KCNH5: variants seen among roughly 807,000 people sequenced by gnomAD.
The protein encoded by KCNH5 is voltage-gated delayed rectifier potassium channel KCNH5.
A neutral mutation model predicts 96.1 loss-of-function variants in KCNH5; 46 were observed. The observed-to-expected ratio is 0.48, with a 90% CI of 0.38 to 0.61. KCNH5 has a LOEUF of 0.61. Among genes scored for constraint, KCNH5 ranks in the 20% least tolerant of loss-of-function variants. The probability of loss-of-function intolerance (pLI) is 0.00; values close to 1 mark genes in which losing one functional copy is unlikely to be tolerated. For missense variants in KCNH5, 907 were observed against 1,225.8 expected, an observed-to-expected ratio of 0.74 and a Z score of 3.88; for synonymous variants, 439 against 449.8, an observed-to-expected ratio of 0.98 and a Z score of 0.30.
chr14:62,913,177 CCAG>C (rs1452400726), intron 7 of KCNH5, among the ~76,000 whole-genome samples: 11 of 152,126 alleles, frequency 7.2e-5, no homozygotes, highest in Middle Eastern at 3.4e-3. Context: ...ATAAAATTAG[CCAG>C]GAATAATCAA....
intron 7 of KCNH5, among the ~76,000 whole-genome samples, chr14:62,871,762 A>C (rs924442466): frequency 6.6e-6 from 1 of 152,234 alleles, no homozygotes; most frequent in African/African-American, 2.4e-5. Context: ...TTCCATGTGC[A>C]TCAGTGTGTA....
intron 7 of KCNH5, among the ~76,000 whole-genome samples, chr14:62,932,491 A>C (rs1889599706): frequency 6.6e-6 from 1 of 150,906 alleles, no homozygotes; most frequent in Non-Finnish European, 1.5e-5. Flanking sequence ...AAAAAAAAAA[A>C]CTAAAAAACC....
At chr14:62,896,182 A>G (rs914283620) in intron 7 of KCNH5, among the ~76,000 whole-genome samples, 2 of 152,324 alleles carry the variant, frequency 1.3e-5, no homozygotes, top group Non-Finnish European at 2.9e-5. Context: ...AGCAATAGTC[A>G]TCAGTAGCTC....
chr14:62,772,979 A>G (rs1201397775), intron 10 of KCNH5, among the ~76,000 whole-genome samples: 1 of 152,206 alleles, frequency 6.6e-6, no homozygotes, highest in Non-Finnish European at 1.5e-5. Context: ...TATTAGTTTT[A>G]TCCTGAACCA....
chr14:62,871,760 G>A (rs977330758), intron 7 of KCNH5, among the ~76,000 whole-genome samples: 5 of 152,154 alleles, frequency 3.3e-5, no homozygotes, highest in Non-Finnish European at 5.9e-5. Context: ...GCTTCCATGT[G>A]CATCAGTGTG....
At chr14:63,016,617 T>C (rs1299850849) in intron 2 of KCNH5, among the ~76,000 whole-genome samples, 5 of 152,086 alleles carry the variant, frequency 3.3e-5, no homozygotes, top group Admixed American at 2.6e-4. Flanking sequence ...ATTGATTAAC[T>C]CACAGATATA....
intron 2 of KCNH5, among the ~76,000 whole-genome samples, chr14:63,007,735 G>C (rs1232452256): frequency 1.3e-5 from 2 of 152,078 alleles, no homozygotes; most frequent in African/African-American, 4.8e-5. Flanking sequence ...TCATTTCAGG[G>C]AATTTTCTTA....
chr14:63,008,520 G>A (rs1891168505), intron 2 of KCNH5, among the ~76,000 whole-genome samples: 1 of 151,794 alleles, frequency 6.6e-6, no homozygotes, highest in Non-Finnish European at 1.5e-5. Flanking sequence ...TAGAATTCTA[G>A]AAAGTCAGAA....
chr14:62,743,380 T>A (rs1885312010), intron 10 of KCNH5, among the ~76,000 whole-genome samples: 1 of 152,216 alleles, frequency 6.6e-6, no homozygotes, highest in Non-Finnish European at 1.5e-5. Context: ...TGCACAAGAA[T>A]CACCTGGGGG....
intron 9 of KCNH5, among the ~76,000 whole-genome samples, chr14:62,788,952 A>G (rs572211607): frequency 6.6e-6 from 1 of 152,112 alleles, no homozygotes; most frequent in African/African-American, 2.4e-5. Flanking sequence ...TCTGGTACCA[A>G]ACCAACAAAA....
intron 6 of KCNH5, among the ~76,000 whole-genome samples, chr14:62,962,750 AC>A: frequency 6.6e-6 from 1 of 152,198 alleles, no homozygotes; most frequent in Non-Finnish European, 1.5e-5. Context: ...CACAGATGAA[AC>A]AAAGCACTAA....
chr14:62,928,641 C>T (rs1461328831), intron 7 of KCNH5, among the ~76,000 whole-genome samples: 1 of 151,948 alleles, frequency 6.6e-6, no homozygotes, highest in African/African-American at 2.4e-5. Flanking sequence ...CACCAGTGAC[C>T]CTAAGATTGC....
rs371342027 is a variant in KCNH5 at position 63,027,772 on chromosome 14, G to A, written c.74-10818C>T. Among the ~76,000 whole-genome samples the A allele has an allele frequency of 4.3e-4, 66 of 152,036 alleles. 5 individuals are homozygous for A. The South Asian group carries it at 5.2e-3, about 12-fold the overall frequency. On this transcript the variant is annotated intron_variant, in intron 1 of 10. Transcript: ENST00000322893. The stretch of plus-strand genomic sequence containing the variant: ...TATTCTAGGAAAAAGGACCCCACAG[G>A]CTTAAAAAAGAAAGACTGTAAACAT...
intron 4 of KCNH5, among the ~76,000 whole-genome samples, chr14:62,995,329 T>C (rs1890886989): frequency 6.6e-6 from 1 of 152,120 alleles, no homozygotes; most frequent in Non-Finnish European, 1.5e-5. Flanking sequence ...ATAGATTCAC[T>C]TGTCTGTCCT....
At chr14:62,777,862 TG>T (rs869031844) in intron 10 of KCNH5, among the ~76,000 whole-genome samples, 2 of 39,482 alleles carry the variant, frequency 5.1e-5, no homozygotes, top group Non-Finnish European at 1.2e-4. Flanking sequence ...TGTGTATTTG[TG>T]TGTGTGTGTG....
At chr14:62,797,931 G>A (rs568329066) in intron 9 of KCNH5, among the ~76,000 whole-genome samples, 9 of 152,076 alleles carry the variant, frequency 5.9e-5, no homozygotes, top group Admixed American at 5.9e-4. Flanking sequence ...TGGCCAGACT[G>A]GTCTCCAAGT....
chr14:62,989,154 G>C (rs548617196), intron 4 of KCNH5, among the ~76,000 whole-genome samples: 89 of 151,980 alleles, frequency 5.9e-4, no homozygotes, highest in African/African-American at 2.0e-3. Flanking sequence ...ACCCGAGTTA[G>C]GCAGCATTCC....
chr14:63,033,805 G>T (rs1452212752), intron 1 of KCNH5, among the ~76,000 whole-genome samples: 1 of 150,522 alleles, frequency 6.6e-6, no homozygotes, highest in African/African-American at 2.4e-5. Flanking sequence ...CAAGGAATTG[G>T]CAATAAGTTA....
intron 1 of KCNH5, among the ~76,000 whole-genome samples, chr14:63,025,766 T>C (rs1452600094): frequency 6.6e-6 from 1 of 151,908 alleles, no homozygotes; most frequent in Non-Finnish European, 1.5e-5. Context: ...GAAGAATTAA[T>C]ATTGTTAAAA....
Sources: gnomAD v4.1 joint callset for allele counts (sites outside exome capture counted in the v4.1 genomes callset) on GRCh38, gnomAD v4.1.1 for gene constraint, MANE v1.5 for transcripts, NCBI Gene and HGNC (gene_info 2026-07-23, HGNC 2026-07-21) for gene names.